BCL9: variants seen among roughly 807,000 people sequenced by gnomAD.
The protein encoded by BCL9 is B-cell CLL/lymphoma 9 protein.
Under a neutral mutation model 88.5 loss-of-function variants are expected in BCL9, and 25 were observed. The ratio of observed to expected loss-of-function variants is 0.28; its 90% CI spans 0.21 to 0.39. BCL9 has a LOEUF of 0.39. Among genes scored for constraint, BCL9 ranks in the 10% least tolerant of loss-of-function variants. The pLI, the probability that BCL9 is intolerant of heterozygous loss-of-function variation, is 1.00. For synonymous variants in BCL9, 711 were observed against 673.3 expected, an observed-to-expected ratio of 1.06 and a Z score of -0.87; for missense variants, 1,817 against 1,877.8, an observed-to-expected ratio of 0.97 and a Z score of 0.60.
chr1:147,624,359 A>C lies in BCL9; in HGVS notation c.3681A>C (p.Gly1227=), dbSNP rs1658821865. The change falls in exon 10 of 10, where the codon GGA becomes GGC. Residue 1227 remains glycine, a synonymous_variant. Coordinates refer to ENST00000234739, the MANE Select transcript of BCL9 (RefSeq NM_004326.4). The surrounding 1 kb of genome is among the most constrained non-coding windows in gnomAD (Gnocchi z 4.4). ...ATCTGCAGGAGGTCATCCGACCTGG[A>C]GCCACCGGAATACCTGAGTTTGATC... The part of the protein sequence containing the change: ...DPDLQEVIRP[G]ATGIPEFDLS... 1.2e-6 allele frequency: 2 copies of C among 1,614,188 alleles called. No individual in the cohort carries two copies. Among genetic ancestry groups the C allele is most frequent in the Non-Finnish European group, 1.7e-6 (2 of 1,180,028 alleles).
chr1:147,549,033 G>A (rs1051627792), intron 1 of BCL9, among the ~76,000 whole-genome samples: 2 of 132,642 alleles, frequency 1.5e-5, no homozygotes. Flanking sequence ...CTGGAGTGCC[G>A]TGGTGAGATC....
intron 1 of BCL9, among the ~76,000 whole-genome samples, chr1:147,593,077 A>G (rs1291303148): frequency 6.6e-6 from 1 of 152,258 alleles, no homozygotes; most frequent in Admixed American, 6.5e-5. Flanking sequence ...CATTATTACC[A>G]TCACCATCAT....
chr1:147,561,236 C>T (rs1194655920), intron 1 of BCL9, among the ~76,000 whole-genome samples: 1 of 152,148 alleles, frequency 6.6e-6, no homozygotes, highest in African/African-American at 2.4e-5. Flanking sequence ...AAATTAATTG[C>T]TAAGGGAGAT....
chr1:147,584,994 A>G (rs1553199024), intron 1 of BCL9, among the ~76,000 whole-genome samples: 1 of 152,152 alleles, frequency 6.6e-6, no homozygotes, highest in Non-Finnish European at 1.5e-5. Context: ...GGGCTCCCAG[A>G]AGAGCTGTTA....
Position 147,623,958 on chromosome 1 carries a change from T to C in BCL9, c.3280T>C (p.Ser1094Pro). 6.2e-7 allele frequency: 1 copy of C among 1,614,126 alleles called. No homozygotes were observed. The highest frequency in any genetic ancestry group is 8.5e-7 in the Non-Finnish European group (1 of 1,180,024). Residue 1094 changes from serine to proline, a missense_variant, in exon 10 of 10, where the codon TCT (serine) becomes CCT (proline). Ser to Pro is a moderately conservative substitution (Grantham distance 74). This residue lies in a region of BCL9 where 589 missense variants were observed against 686.2 expected (regional missense o/e 0.86). Transcript: ENST00000234739. ...ACTTTCTCACTCCAATCAGATGCCC[T>C]CTCCAAATGCCGTGGGACCCAACAT... is the stretch of plus-strand genomic sequence containing the variant. Reference protein sequence around the residue: ...QPLSHSNQMPSPNAVGPNIPP... With the variant: ...QPLSHSNQMPPPNAVGPNIPP...
intron 1 of BCL9, among the ~76,000 whole-genome samples, chr1:147,552,410 C>T (rs934907951): frequency 8.5e-5 from 13 of 152,200 alleles, no homozygotes; most frequent in African/African-American, 2.9e-4. Context: ...GAGTTCGAGA[C>T]CACCCTGACC....
intron 1 of BCL9, among the ~76,000 whole-genome samples, chr1:147,580,572 A>T (rs1656321360): frequency 6.6e-6 from 1 of 152,220 alleles, no homozygotes; most frequent in South Asian, 2.1e-4. Context: ...TTGAAAGCAT[A>T]AACATGCCAT....
chr1:147,618,910 C>T lies in BCL9; in HGVS notation c.755C>T (p.Thr252Ile). The change falls in exon 8 of 10, where the codon ACC becomes ATC. Residue 252 changes from threonine (T) to isoleucine (I), a missense_variant. This residue lies in a region of BCL9 where 1,228 missense variants were observed against 1,191.6 expected (regional missense o/e 1.03). Transcript: ENST00000234739. ...CAGGACCAGAATTCTTCCCAGAATA[C>T]CAGACTGCAGCCAACTCCACCCATT... is the stretch of plus-strand genomic sequence containing the variant. ...ANQDQNSSQNTRLQPTPPIPA... is the reference protein window; with the variant it reads ...ANQDQNSSQNIRLQPTPPIPA... 1 of 1,613,748 alleles carries T rather than the reference C, an allele frequency of 6.2e-7. No individual in the cohort carries two copies. The highest frequency in any genetic ancestry group is 8.5e-7 in the Non-Finnish European group (1 of 1,179,794).
chr1:147,620,548 G>A lies in BCL9; in HGVS notation c.2393G>A (p.Arg798Gln), dbSNP rs782707705. ...GGTCCAGGCAGCAACAGTGGCTTGC[G>A]GAATCTCAGAGAACCAATTGGGCCC... Reference protein sequence around the residue: ...SQGPGSNSGLRNLREPIGPDQ... With the variant: ...SQGPGSNSGLQNLREPIGPDQ... Residue 798 changes from arginine to glutamine, a missense_variant, in exon 8 of 10, where the codon CGG (arginine) becomes CAG (glutamine). Transcript: ENST00000234739. 59 of 1,612,966 alleles carry A rather than the reference G, an allele frequency of 3.7e-5. No homozygotes were observed. The highest frequency in any genetic ancestry group is 2.0e-4 in the Admixed American group (12 of 59,886).
intron 8 of BCL9, 129 bp downstream of exon 8, chr1:147,621,186 T>A (rs782208911): frequency 1.9e-6 from 2 of 1,075,518 alleles, no homozygotes; most frequent in Non-Finnish European, 2.6e-6. Context: ...ATGGCCATAT[T>A]TGTGGCAAGG....
chr1:147,576,642 T>C (rs1656125079), intron 1 of BCL9, among the ~76,000 whole-genome samples: 2 of 152,154 alleles, frequency 1.3e-5, no homozygotes, highest in Non-Finnish European at 1.5e-5. Context: ...GTCCTGAATC[T>C]TCCTGAGTTT....
At position 147,620,591 on chromosome 1, in the gene BCL9, C is replaced by G; in HGVS notation, c.2436C>G (p.Ser812Arg). 1 of 1,614,190 alleles carries G rather than the reference C, an allele frequency of 6.2e-7. No individual in the cohort carries two copies. The highest frequency in any genetic ancestry group is 8.5e-7 in the Non-Finnish European group (1 of 1,180,024). Residue 812 changes from serine (S) to arginine (R), a missense_variant, in exon 8 of 10, where the codon AGC (serine) becomes AGG (arginine). By Grantham distance (110) the Ser-to-Arg change is moderately radical (BLOSUM62 -1). Around this residue, in one of 2 missense-constraint regions of BCL9, gnomAD observed 1,228 missense variants for 1,191.6 expected, o/e 1.03. Coordinates refer to ENST00000234739, the MANE Select transcript of BCL9 (RefSeq NM_004326.4). ...TTGGGCCCGACCAGAGGACTAACAG[C>G]CGGCTCAGTCATATGCCACCACTAC... Reference protein sequence around the residue: ...EPIGPDQRTNSRLSHMPPLPL... With the variant: ...EPIGPDQRTNRRLSHMPPLPL...
At chr1:147,551,549 T>C (rs782400675) in intron 1 of BCL9, among the ~76,000 whole-genome samples, 4 of 152,198 alleles carry the variant, frequency 2.6e-5, no homozygotes, top group African/African-American at 4.8e-5. Context: ...ATTATGACAG[T>C]ATTAACAGGT....
rs782523860 is a variant in BCL9, at chr1:147,624,672, C to T, written c.3994C>T (p.Arg1332Trp). ...ACAAGGCATGATGGGACCTCACCAT[C>T]GGATGATGTCACCAGCACAATCTAC... ...LQQGMMGPHHRMMSPAQSTMP... is the reference protein window; with the variant it reads ...LQQGMMGPHHWMMSPAQSTMP... Residue 1332 changes from arginine to tryptophan, a missense_variant, in exon 10 of 10, where the codon CGG becomes TGG. Arg to Trp is a moderately radical substitution (Grantham distance 101). Coordinates refer to ENST00000234739, the MANE Select transcript of BCL9 (RefSeq NM_004326.4). This position sits in a 1 kb window ranked among gnomAD's most constrained non-coding sequence, Gnocchi z 4.4. 1.1e-5 allele frequency: 17 copies of T among 1,614,042 alleles called. No homozygotes were observed. The East Asian group carries it at 1.1e-4, about 11-fold the overall frequency.
Position 147,620,379 on chromosome 1 carries a change from G to C in BCL9, c.2224G>C (p.Ala742Pro), listed in dbSNP as rs1658554484. The stretch of plus-strand genomic sequence containing the variant: ...ACCTCAGAAGATGAGAGAGGCTGGG[G>C]CGGGCCCTGAGGAGATGCTGAAATT... ...MIPQKMREAG[A>P]GPEEMLKLRP... The change falls in exon 8 of 10, where the codon GCG becomes CCG. Residue 742 changes from alanine (A) to proline (P), a missense_variant. Transcript: ENST00000234739. 1 of 1,614,078 alleles carries C rather than the reference G, an allele frequency of 6.2e-7. No individual in the cohort carries two copies. Among genetic ancestry groups the C allele is most frequent in the Admixed American group, 1.7e-5 (1 of 60,006 alleles).
At chr1:147,546,170 A>T (rs1287800142) in intron 1 of BCL9, among the ~76,000 whole-genome samples, 1 of 152,032 alleles carries the variant, frequency 6.6e-6, no homozygotes, top group Non-Finnish European at 1.5e-5. Flanking sequence ...CCCCGTCTCT[A>T]CTAAAAATAC....
intron 1 of BCL9, among the ~76,000 whole-genome samples, chr1:147,550,269 A>T (rs1189925228): frequency 6.6e-6 from 1 of 152,184 alleles, no homozygotes; most frequent in Non-Finnish European, 1.5e-5. Flanking sequence ...ACTGTCTTTT[A>T]GTACGAACCA....
intron 1 of BCL9, among the ~76,000 whole-genome samples, chr1:147,593,208 T>G (rs1293776660): frequency 1.3e-5 from 2 of 152,350 alleles, no homozygotes; most frequent in African/African-American, 4.8e-5. Context: ...TTGCCTCAAG[T>G]GCTTCCACCT....
rs782785690 is a variant in BCL9, at chr1:147,623,897, G to A, written c.3219G>A (p.Pro1073=). ...PRISGPNPVV[P]MPTLSPMGMT... ...TTTCAGGTCCAAACCCCGTGGTTCC[G>A]ATGCCAACCCTCAGCCCAATGGGAA... is the stretch of plus-strand genomic sequence containing the variant. Residue 1073 remains proline, a synonymous_variant, in exon 10 of 10, where the codon CCG becomes CCA. Coordinates refer to ENST00000234739, the MANE Select transcript of BCL9 (RefSeq NM_004326.4). 35 of 1,614,100 alleles carry A rather than the reference G, an allele frequency of 2.2e-5. No individual in the cohort carries two copies. In the East Asian group the frequency reaches 4.2e-4, roughly 20 times the overall value.
Sources: allele counts gnomAD v4.1 joint callset (sites outside exome capture counted in the v4.1 genomes callset), GRCh38; gene constraint gnomAD v4.1.1; regional missense constraint gnomAD v4.1.1; non-coding constraint Gnocchi (gnomAD v3.1); transcripts MANE v1.5; gene names NCBI Gene and HGNC (gene_info 2026-07-23, HGNC 2026-07-21).